The following DLGAP2 variants were observed in gnomAD, a reference collection of about 807,000 sequenced individuals.
The protein encoded by DLGAP2 is disks large-associated protein 2.
DLGAP2 carries 26 observed loss-of-function variants against 100.3 expected under a neutral mutation model. The ratio of observed to expected loss-of-function variants is 0.26; its 90% confidence interval spans 0.19 to 0.36. DLGAP2 has a LOEUF of 0.36. Ranked by LOEUF, DLGAP2 falls within the 10% of genes least tolerant of loss-of-function variation. The probability of loss-of-function intolerance (pLI) is 1.00; values close to 1 mark genes in which losing one functional copy is unlikely to be tolerated. For synonymous variants in DLGAP2, 886 were observed against 630.1 expected (o/e 1.41, Z -6.08); for missense variants, 1,858 against 1,453.2 (o/e 1.28, Z -4.53).
chr8:907,425 T>C (rs1393210267), intron 1 of DLGAP2, among the ~76,000 whole-genome samples: 2 of 152,226 alleles, frequency 1.3e-5, no homozygotes, highest in Non-Finnish European at 2.9e-5. Context: ...ATTTTACTAC[T>C]GAAGTATGAA....
chr8:849,407 C>G (rs1797138677), intron 1 of DLGAP2, among the ~76,000 whole-genome samples: 1 of 152,224 alleles, frequency 6.6e-6, no homozygotes, highest in African/African-American at 2.4e-5. Flanking sequence ...ACTGTAAATA[C>G]TGAGCGCAGG....
rs1584881211 is a variant in DLGAP2, at chr8:908,100, T to A, written c.73+134T>A. ...GTTGTTTTTAGTGCAAGATTGCGTA[T>A]TAACTAACTGTAAGACCTGAAAGTA... On this transcript the variant is annotated intron_variant, in intron 2 of 14. Coordinates refer to ENST00000637795, the MANE Select transcript of DLGAP2 (RefSeq NM_001346810.2). The A allele has an allele frequency of 2.5e-5, 10 of 393,378 alleles. No homozygotes were observed. The East Asian group carries it at 3.6e-4, about 14-fold the overall frequency. 24.4% of individuals were successfully genotyped at this position (393,378 alleles called of 1,614,324 possible).
At chr8:1,265,481 C>G (rs563600202) in intron 3 of DLGAP2, among the ~76,000 whole-genome samples, 1 of 152,208 alleles carries the variant, frequency 6.6e-6, no homozygotes, top group South Asian at 2.1e-4. Context: ...AAGACAAACA[C>G]ATGTCTGGAA....
In DLGAP2 at chr8:1,308,935, ACAG is replaced by A. The variant is rs569494725; in HGVS notation, c.106+50056_106+50058del. On this transcript the variant is annotated intron_variant, in intron 3 of 14. Transcript: ENST00000637795. ...TCCAAATTATTTTTTTTTAAAGAAA[ACAG>A]CAGACATTCTGGAGAAAAATAAATG... Among the ~76,000 whole-genome samples the A allele has an allele frequency of 3.0e-3, 452 of 152,290 alleles. 2 individuals carry two copies. Among genetic ancestry groups the A allele is most frequent in the Non-Finnish European group, 4.8e-3 (325 of 68,012 alleles).
chr8:1,673,404 A>C (rs1798737349), intron 10 of DLGAP2, among the ~76,000 whole-genome samples: 1 of 152,176 alleles, frequency 6.6e-6, no homozygotes, highest in South Asian at 2.1e-4. Flanking sequence ...AGGATTTCTG[A>C]AATTGATAAA....
intron 1 of DLGAP2, among the ~76,000 whole-genome samples, chr8:819,917 T>A (rs1796553820): frequency 6.6e-6 from 1 of 152,024 alleles, no homozygotes; most frequent in African/African-American, 2.4e-5. Context: ...GTCATGAAAG[T>A]GGGAATAGGG....
chr8:1,634,452 G>C (rs191265125), intron 8 of DLGAP2, among the ~76,000 whole-genome samples: 1 of 152,136 alleles, frequency 6.6e-6, no homozygotes, highest in Admixed American at 6.5e-5. Context: ...TGCAGCCACC[G>C]GGCAGCTGTG....
chr8:1,304,060 C>T (rs1412164991), intron 3 of DLGAP2, among the ~76,000 whole-genome samples: 1 of 152,252 alleles, frequency 6.6e-6, no homozygotes, highest in African/African-American at 2.4e-5. Flanking sequence ...CTGCAAAGGT[C>T]AGCAGCAGAA....
At chr8:1,272,398 G>C in intron 3 of DLGAP2, among the ~76,000 whole-genome samples, 1 of 151,838 alleles carries the variant, frequency 6.6e-6, no homozygotes, top group Non-Finnish European at 1.5e-5. Context: ...TATATATATA[G>C]ATGTTTTATA....
At chr8:1,606,383 AG>A (rs1455694053) in intron 6 of DLGAP2, among the ~76,000 whole-genome samples, 2 of 152,168 alleles carry the variant, frequency 1.3e-5, no homozygotes, top group Non-Finnish European at 2.9e-5. Flanking sequence ...TACACCAAAA[AG>A]AAACCCTGTA....
intron 4 of DLGAP2, among the ~76,000 whole-genome samples, chr8:1,535,906 G>C (rs531535222): frequency 2.1e-4 from 32 of 152,296 alleles, no homozygotes; most frequent in African/African-American, 7.2e-4. Context: ...TGGTGTTGGT[G>C]GTCAGCCAGC....
chr8:1,457,807 A>C (rs1342641292), intron 3 of DLGAP2, among the ~76,000 whole-genome samples: 1 of 151,720 alleles, frequency 6.6e-6, no homozygotes, highest in African/African-American at 2.4e-5. Context: ...CAGTGATGGC[A>C]ACAAATAGCT....
chr8:1,424,278 C>G (rs534555985), intron 3 of DLGAP2, among the ~76,000 whole-genome samples: 2 of 152,338 alleles, frequency 1.3e-5, no homozygotes, highest in East Asian at 1.9e-4. Context: ...TAGTCTGCAT[C>G]TAACTCTTCA....
intron 3 of DLGAP2, chr8:1,302,197 T>G (rs1800362761): frequency 6.6e-6 from 1 of 151,718 alleles, no homozygotes; most frequent in Non-Finnish European, 1.5e-5. Context: ...GGGACCGGAC[T>G]CGGAATTTTC....
chr8:976,313 A>G (rs113672306), intron 2 of DLGAP2, among the ~76,000 whole-genome samples: 39 of 152,314 alleles, frequency 2.6e-4, no homozygotes, highest in African/African-American at 8.9e-4. Context: ...GAAAGCCCAG[A>G]AAATAGACTC....
intron 1 of DLGAP2, among the ~76,000 whole-genome samples, chr8:813,264 C>T (rs756603182): frequency 1.3e-4 from 19 of 147,546 alleles, no homozygotes; most frequent in South Asian, 2.1e-4. Flanking sequence ...CTTTTCAAAA[C>T]GAAAAAAAAA....
At chr8:1,662,620 A>T (rs1798434016) in intron 8 of DLGAP2, among the ~76,000 whole-genome samples, 1 of 152,262 alleles carries the variant, frequency 6.6e-6, no homozygotes, top group South Asian at 2.1e-4. Context: ...TTGTGGGCTG[A>T]TGTCAGGAAG....
chr8:1,672,565 G>A (rs1798717636), intron 10 of DLGAP2, among the ~76,000 whole-genome samples: 1 of 152,234 alleles, frequency 6.6e-6, no homozygotes, highest in Non-Finnish European at 1.5e-5. Flanking sequence ...TCACCAGGTT[G>A]TGAGAAGGCA....
At chr8:1,090,719 G>T (rs1199991457) in intron 2 of DLGAP2, among the ~76,000 whole-genome samples, 1 of 152,206 alleles carries the variant, frequency 6.6e-6, no homozygotes, top group Non-Finnish European at 1.5e-5. Flanking sequence ...GCACCCTGGG[G>T]TTTGTTTTCT....
Sources: allele counts gnomAD v4.1 joint callset (sites outside exome capture counted in the v4.1 genomes callset), GRCh38; gene constraint gnomAD v4.1.1; transcripts MANE v1.5; gene names NCBI Gene and HGNC (gene_info 2026-07-23, HGNC 2026-07-21).